Variants in UGT1A8 observed in about 807,000 individuals in gnomAD.
UGT1A8 encodes UDP-glucuronosyltransferase 1A8.
A neutral mutation model predicts 45.3 loss-of-function variants in UGT1A8; 39 were observed. That is an observed-to-expected ratio of 0.86 (90% CI 0.67 to 1.12). The LOEUF (loss-of-function observed/expected upper bound fraction) is 1.12, where lower values mean the gene tolerates loss of function less well. UGT1A8 is among the 50% of genes most tolerant of loss of function. The probability of loss-of-function intolerance (pLI) is 0.00; values close to 1 mark genes in which losing one functional copy is unlikely to be tolerated. For missense variants in UGT1A8, 719 were observed against 664.9 expected (o/e 1.08, Z -0.90); for synonymous variants, 275 against 249.2 (o/e 1.10, Z -0.97).
chr2:233,733,736 T>C (rs558044026), intron 1 of UGT1A8, among the ~76,000 whole-genome samples: 3 of 152,366 alleles, frequency 2.0e-5, no homozygotes, highest in African/African-American at 7.2e-5. Context: ...TTTGCATCGA[T>C]GTTCATCAGG....
intron 1 of UGT1A8, chr2:233,719,524 C>A: frequency 6.2e-7 from 1 of 1,613,952 alleles, no homozygotes; most frequent in South Asian, 1.1e-5. Flanking sequence ...GCAAGTCTTG[C>A]CTCTGAGCTT....
At chr2:233,725,992 T>C (rs1189472170) in intron 1 of UGT1A8, among the ~76,000 whole-genome samples, 2 of 152,010 alleles carry the variant, frequency 1.3e-5, no homozygotes, top group Admixed American at 6.6e-5. Context: ...GTGCTGAGAC[T>C]GCATCTCTAC....
chr2:233,755,108 C>T lies in UGT1A8; in HGVS notation c.856-11926C>T, dbSNP rs1275990290. ...CGCGTTTCTACGCGTCCGACAACAC[C>T]TCGTAGGCCTCAGCCACCTGCTTGA... On this transcript the variant is annotated intron_variant, in intron 1 of 4. Transcript: ENST00000373450. 8 of 1,333,390 alleles carry T rather than the reference C, an allele frequency of 6.0e-6. No individual in the cohort carries two copies. In the Admixed American group the frequency reaches 9.5e-5, roughly 16 times the overall value. The allele number at this position is 1,333,390 out of a possible 1,614,324, so 82.6% of individuals were successfully genotyped here. A position where few individuals can be genotyped will look rare whatever the true frequency, so the allele number is the denominator to read the frequency against.
At chr2:233,711,386 T>C (rs1328064942) in intron 1 of UGT1A8, among the ~76,000 whole-genome samples, 2 of 152,206 alleles carry the variant, frequency 1.3e-5, no homozygotes, top group African/African-American at 2.4e-5. Context: ...CCCTCCCAGG[T>C]GTGTTCCACC....
chr2:233,633,681 C>T lies in UGT1A8; in HGVS notation c.855+15119C>T, dbSNP rs538224196. 2.0e-5 allele frequency among the ~76,000 whole-genome samples: 3 copies of T among 152,096 alleles called. No homozygotes were observed. The East Asian group carries it at 5.8e-4, about 29-fold the overall frequency. On this transcript the variant is annotated intron_variant, in intron 1 of 4. Transcript: ENST00000373450. ...TCCCCTTTATCATTTTTTATTGTGT[C>T]TATTGATTCTTCTCTCTTTTCTTCT...
chr2:233,760,180 T>A, intron 1 of UGT1A8: 1 of 1,548,272 alleles, frequency 6.5e-7, no homozygotes, highest in Non-Finnish European at 8.7e-7. Context: ...GACAGCTTTT[T>A]ATAGTCACGT....
At chr2:233,711,084 G>A (rs1478616153) in intron 1 of UGT1A8, among the ~76,000 whole-genome samples, 6 of 152,210 alleles carry the variant, frequency 3.9e-5, no homozygotes, top group Non-Finnish European at 7.3e-5. Context: ...ATGGCTCCAA[G>A]TCTATCTGTG....
intron 1 of UGT1A8, chr2:233,682,824 T>C: frequency 6.4e-7 from 1 of 1,565,700 alleles, no homozygotes; most frequent in Non-Finnish European, 8.6e-7. Flanking sequence ...ACATTAAGAA[T>C]AATCTGGCTT....
At chr2:233,711,662 CTA>C (rs1575496334) in intron 1 of UGT1A8, among the ~76,000 whole-genome samples, 1 of 152,198 alleles carries the variant, frequency 6.6e-6, no homozygotes, top group Non-Finnish European at 1.5e-5. Flanking sequence ...AAGGTGGAAT[CTA>C]TTATCAATGT....
At chr2:233,649,866 T>C (rs2073696378) in intron 1 of UGT1A8, among the ~76,000 whole-genome samples, 1 of 152,222 alleles carries the variant, frequency 6.6e-6, no homozygotes, top group Non-Finnish European at 1.5e-5. Flanking sequence ...CACTTTCATC[T>C]CTTGGTAGCC....
At chr2:233,743,379 G>A (rs553930129) in intron 1 of UGT1A8, 50 of 1,176,986 alleles carry the variant, frequency 4.2e-5, no homozygotes, top group South Asian at 3.5e-4. Flanking sequence ...CATCACTACC[G>A]TAGGACATGC....
At chr2:233,637,013 C>T (rs144666294) in intron 1 of UGT1A8, 3 of 1,614,010 alleles carry the variant, frequency 1.9e-6, no homozygotes, top group Non-Finnish European at 2.5e-6. Context: ...TTCTCCCTCC[C>T]CTCTGTGGTC....
intron 1 of UGT1A8, chr2:233,682,317 T>A: frequency 6.2e-7 from 1 of 1,614,198 alleles, no homozygotes; most frequent in Non-Finnish European, 8.5e-7. Context: ...TGCAGGAGTT[T>A]GTTTAATGAC....
chr2:233,652,671 A>G (rs2073768132), intron 1 of UGT1A8, among the ~76,000 whole-genome samples: 1 of 152,208 alleles, frequency 6.6e-6, no homozygotes, highest in South Asian at 2.1e-4. Flanking sequence ...AAACCCATAC[A>G]TCCTTGGCCA....
At chr2:233,677,578 G>A (rs1482544304) in intron 1 of UGT1A8, among the ~76,000 whole-genome samples, 1 of 152,142 alleles carries the variant, frequency 6.6e-6, no homozygotes, top group African/African-American at 2.4e-5. Flanking sequence ...ATGAAAAAAT[G>A]CTCAACATCA....
intron 1 of UGT1A8, among the ~76,000 whole-genome samples, chr2:233,728,850 A>T (rs1449608230): frequency 6.6e-6 from 1 of 152,198 alleles, no homozygotes; most frequent in East Asian, 1.9e-4. Flanking sequence ...TGGGAATTGG[A>T]TGAGAAACAA....
intron 1 of UGT1A8, chr2:233,672,185 A>G (rs2074213921): frequency 6.2e-7 from 1 of 1,614,072 alleles, no homozygotes; most frequent in Admixed American, 1.7e-5. Flanking sequence ...TATACCCTGG[A>G]GGATCTGGAC....
chr2:233,713,704 T>C (rs778886685), intron 1 of UGT1A8: 1 of 1,613,920 alleles, frequency 6.2e-7, no homozygotes, highest in Admixed American at 1.7e-5. Context: ...GCCTCTGAGC[T>C]TTTTCAGAGA....
intron 1 of UGT1A8, chr2:233,718,623 G>A (rs1281711935): frequency 9.0e-6 from 8 of 892,530 alleles, no homozygotes; most frequent in Non-Finnish European, 1.1e-5. Context: ...AGGCGTGATT[G>A]GTCTTTCCCA....
Sources: allele counts gnomAD v4.1 joint callset (sites outside exome capture counted in the v4.1 genomes callset), GRCh38; gene constraint gnomAD v4.1.1; transcripts MANE v1.5; gene names NCBI Gene and HGNC (gene_info 2026-07-23, HGNC 2026-07-21).